AMTN: variants seen among roughly 807,000 people sequenced by gnomAD.
AMTN encodes the protein amelotin.
A neutral mutation model predicts 27.4 loss-of-function variants in AMTN; 29 were observed. That is an observed-to-expected ratio of 1.06 (90% CI 0.79 to 1.44). The LOEUF (loss-of-function observed/expected upper bound fraction) is 1.44, where lower values mean the gene tolerates loss of function less well. Ranked by LOEUF, AMTN falls within the 40% of genes most tolerant of loss-of-function variation. AMTN has a pLI of 0.00. For missense variants in AMTN, 247 were observed against 248.8 expected, an observed-to-expected ratio of 0.99 and a Z score of 0.05; for synonymous variants, 86 against 95.7, an observed-to-expected ratio of 0.90 and a Z score of 0.59.
intron 5 of AMTN, among the ~76,000 whole-genome samples, chr4:70,526,428 C>T (rs1167682803): frequency 6.6e-6 from 1 of 152,076 alleles, no homozygotes; most frequent in Non-Finnish European, 1.5e-5. Context: ...ATAAACAATG[C>T]TACAGTGAGC....
At chr4:70,521,898 G>T (rs564247663) in intron 2 of AMTN, among the ~76,000 whole-genome samples, 1 of 151,904 alleles carries the variant, frequency 6.6e-6, no homozygotes, top group African/African-American at 2.4e-5. Flanking sequence ...GGGATTACAC[G>T]GTGGCATGAG....
intron 8 of AMTN, among the ~76,000 whole-genome samples, chr4:70,532,000 T>C (rs1309746077): frequency 6.6e-6 from 1 of 152,160 alleles, no homozygotes; most frequent in Non-Finnish European, 1.5e-5. Flanking sequence ...CCATTTTGGG[T>C]CAGAACTGAA....
At chr4:70,529,882 T>G (rs1447847110) in intron 7 of AMTN, among the ~76,000 whole-genome samples, 1 of 152,218 alleles carries the variant, frequency 6.6e-6, no homozygotes, top group Non-Finnish European at 1.5e-5. Context: ...TGTCCATAAA[T>G]AATCATCAAG....
chr4:70,530,388 C>T (rs1313180308), intron 7 of AMTN, among the ~76,000 whole-genome samples: 3 of 152,188 alleles, frequency 2.0e-5, no homozygotes, highest in South Asian at 4.1e-4. Context: ...AACGTCTGTA[C>T]TCTGCTCCTA....
chr4:70,532,477 T>C lies in AMTN; in HGVS notation c.*12T>C. ...CAGGAATTCAGTAAGCTGTTTCAAATTTTTTCAACTAAGCTGCCTCGAATT... is the reference window on the plus strand; with the variant it reads ...CAGGAATTCAGTAAGCTGTTTCAAACTTTTTCAACTAAGCTGCCTCGAATT... On this transcript the variant is annotated 3_prime_UTR_variant, in exon 9 of 9. Coordinates refer to ENST00000339336, the MANE Select transcript of AMTN (RefSeq NM_212557.4). 1 of 1,606,830 alleles carries C rather than the reference T, an allele frequency of 6.2e-7. No individual in the cohort carries two copies. Among genetic ancestry groups the C allele is most frequent in the Non-Finnish European group, 8.5e-7 (1 of 1,175,492 alleles).
At chr4:70,524,039 AAC>A in intron 4 of AMTN, 106 bp downstream of exon 4, 1 of 861,944 alleles carries the variant, frequency 1.2e-6, no homozygotes, top group Non-Finnish European at 1.9e-6. Context: ...CACAAATGAA[AAC>A]ACACATATAC....
intron 2 of AMTN, among the ~76,000 whole-genome samples, chr4:70,519,698 A>ATT (rs397938885): frequency 1.5e-5 from 1 of 67,168 alleles, no homozygotes; most frequent in African/African-American, 4.7e-5. Context: ...GTAGACATTA[A>ATT]TTTTTTTTTT....
At chr4:70,520,707 A>G (rs1474553915) in intron 2 of AMTN, among the ~76,000 whole-genome samples, 1 of 152,216 alleles carries the variant, frequency 6.6e-6, no homozygotes, top group African/African-American at 2.4e-5. Context: ...ATGACAGGTT[A>G]GGAGATAGTG....
intron 5 of AMTN, 65 bp from the exon 6 acceptor site, chr4:70,528,658 G>C (rs776560237): frequency 6.3e-6 from 9 of 1,430,878 alleles, no homozygotes; most frequent in Non-Finnish European, 6.8e-6. Flanking sequence ...TCCAAAAAAA[G>C]ATATCAGTAT....
At chr4:70,522,053 A>G (rs1263849880) in intron 2 of AMTN, among the ~76,000 whole-genome samples, 3 of 152,206 alleles carry the variant, frequency 2.0e-5, no homozygotes, top group Admixed American at 2.0e-4. Context: ...GGATGCCTCC[A>G]GGAGCAAAAG....
At chr4:70,526,497 G>A (rs1251851571) in intron 5 of AMTN, among the ~76,000 whole-genome samples, 1 of 151,988 alleles carries the variant, frequency 6.6e-6, no homozygotes, top group Non-Finnish European at 1.5e-5. Flanking sequence ...CAACTCTTAG[G>A]AACACAATTT....
At chr4:70,521,118 G>A (rs1281411186) in intron 2 of AMTN, among the ~76,000 whole-genome samples, 1 of 152,092 alleles carries the variant, frequency 6.6e-6, no homozygotes, top group Non-Finnish European at 1.5e-5. Flanking sequence ...GGTGGCTAAC[G>A]CCCGTAATCC....
At chr4:70,526,644 G>T (rs144482086) in intron 5 of AMTN, among the ~76,000 whole-genome samples, 1 of 152,130 alleles carries the variant, frequency 6.6e-6, no homozygotes, top group African/African-American at 2.4e-5. Context: ...CATACTGATT[G>T]CCCAGCTTCA....
chr4:70,526,301 T>C (rs1432290887), intron 5 of AMTN, among the ~76,000 whole-genome samples: 4 of 152,178 alleles, frequency 2.6e-5, no homozygotes, highest in African/African-American at 9.7e-5. Flanking sequence ...TTTTGAATAG[T>C]TTTCATGTTT....
chr4:70,531,427 C>G (rs1736222127), intron 8 of AMTN, 127 bp downstream of exon 8: 1 of 1,238,620 alleles, frequency 8.1e-7, no homozygotes, highest in East Asian at 2.5e-5. Flanking sequence ...CCTTTACTCA[C>G]TCACAGTTAA....
Position 70,532,607 on chromosome 4 carries a change from T to C in AMTN, c.*142T>C, listed in dbSNP as rs547614033. On this transcript the variant is annotated 3_prime_UTR_variant, in exon 9 of 9. Transcript: ENST00000339336. The stretch of plus-strand genomic sequence containing the variant: ...ATTCTTAATTTACCTGAAAATATTC[T>C]TGAAATTTCAGAAAATATGTTCTAT... 244 of 775,628 alleles carry C rather than the reference T, an allele frequency of 3.1e-4. No homozygotes were observed. The African/African-American group carries it at 4.2e-3, about 13-fold the overall frequency. 48.0% of individuals were successfully genotyped at this position (775,628 alleles called of 1,614,324 possible).
At chr4:70,521,579 T>C (rs2109769271) in intron 2 of AMTN, among the ~76,000 whole-genome samples, 1 of 146,736 alleles carries the variant, frequency 6.8e-6, no homozygotes, top group Admixed American at 6.8e-5. Context: ...TTTATGTATA[T>C]ATATGTATAT....
chr4:70,530,945 A>G (rs950173049), intron 7 of AMTN, 94 bp from the exon 8 acceptor site: 4 of 1,495,242 alleles, frequency 2.7e-6, no homozygotes, highest in Non-Finnish European at 3.6e-6. Context: ...TACTCTCTCC[A>G]TCTTTCCATT....
rs927313707 is a variant in AMTN, at chr4:70,524,896, C to T, written c.229C>T (p.Pro77Ser). 7 of 1,613,914 alleles carry T rather than the reference C, an allele frequency of 4.3e-6. No homozygotes were observed. Among genetic ancestry groups the T allele is most frequent in the Non-Finnish European group, 5.9e-6 (7 of 1,179,952 alleles). The change falls in exon 5 of 9, where the codon CCT becomes TCT. Residue 77 changes from proline (P) to serine (S), a missense_variant. Transcript: ENST00000339336. ...HLLNPAAGMT[P>S]GTQTHPLTLG... ...GTTAAATCCTGCTGCAGGAATGACA[C>T]CTGGTACCCAGACCCACCCATTGAC...
Sources: allele counts gnomAD v4.1 joint callset (sites outside exome capture counted in the v4.1 genomes callset), GRCh38; gene constraint gnomAD v4.1.1; transcripts MANE v1.5; gene names NCBI Gene and HGNC (gene_info 2026-07-23, HGNC 2026-07-21).